RPS6KA5: variants seen among roughly 807,000 people sequenced by gnomAD.
The protein encoded by RPS6KA5 is ribosomal protein S6 kinase alpha-5.
In RPS6KA5, 27 loss-of-function variants were observed where a neutral mutation model predicts 85.5. The ratio of observed to expected loss-of-function variants is 0.32; its 90% CI spans 0.23 to 0.44. The LOEUF (loss-of-function observed/expected upper bound fraction) is 0.44, where lower values mean the gene tolerates loss of function less well. RPS6KA5 is among the 20% of genes least tolerant of loss of function. RPS6KA5 has a pLI of 1.00. For missense variants in RPS6KA5, 811 were observed against 980.9 expected (o/e 0.83, Z 2.31); for synonymous variants, 334 against 348.2 (o/e 0.96, Z 0.46).
At chr14:90,915,196 T>C (rs2036048020) in intron 7 of RPS6KA5, among the ~76,000 whole-genome samples, 3 of 152,150 alleles carry the variant, frequency 2.0e-5, no homozygotes. Flanking sequence ...AGACCAAGGG[T>C]TGGCAATCTT....
chr14:90,912,062 C>T (rs1429138660), intron 7 of RPS6KA5, among the ~76,000 whole-genome samples: 1 of 152,114 alleles, frequency 6.6e-6, no homozygotes, highest in African/African-American at 2.4e-5. Flanking sequence ...TGACAGCCCA[C>T]CCCCAGGGAA....
chr14:90,988,096 A>G (rs1046596157), intron 2 of RPS6KA5, among the ~76,000 whole-genome samples: 9 of 152,256 alleles, frequency 5.9e-5, no homozygotes, highest in African/African-American at 2.2e-4. Context: ...TAAATTGAGA[A>G]GCGACATAAT....
At chr14:90,970,764 A>G (rs2039281695) in intron 3 of RPS6KA5, among the ~76,000 whole-genome samples, 1 of 152,224 alleles carries the variant, frequency 6.6e-6, no homozygotes, top group Non-Finnish European at 1.5e-5. Context: ...GTAACCATGC[A>G]CAGGTACAGA....
rs935133621 is a variant in RPS6KA5, at chr14:90,873,889, A to G, written c.1997-94T>C. On this transcript the variant is annotated intron_variant, in intron 15 of 16. Transcript: ENST00000614987. ...TAAATCTCAGCTATGTTCACATGACATAATGGTTTCTATATAGCTTTAACC... is the reference window on the plus strand; with the variant it reads ...TAAATCTCAGCTATGTTCACATGACGTAATGGTTTCTATATAGCTTTAACC... 13 of 1,098,122 alleles carry G rather than the reference A, an allele frequency of 1.2e-5. No individual in the cohort carries two copies. The Admixed American group carries it at 2.4e-4, about 20-fold the overall frequency. The allele number at this position is 1,098,122 out of a possible 1,614,324, so 68.0% of individuals were successfully genotyped here. A position where few individuals can be genotyped will look rare whatever the true frequency, so the allele number is the denominator to read the frequency against.
chr14:90,994,092 T>G (rs1335592953), intron 2 of RPS6KA5, among the ~76,000 whole-genome samples: 4 of 152,038 alleles, frequency 2.6e-5, no homozygotes, highest in African/African-American at 9.7e-5. Flanking sequence ...AGGGTCTCAC[T>G]ATGTTGCCCA....
chr14:90,926,834 CGTAT>C (rs1566750375), intron 5 of RPS6KA5, among the ~76,000 whole-genome samples: 1 of 151,710 alleles, frequency 6.6e-6, no homozygotes, highest in African/African-American at 2.4e-5. Flanking sequence ...AGAAATCTAA[CGTAT>C]GTATTTCATA....
At chr14:90,913,368 T>C (rs1243325457) in intron 7 of RPS6KA5, among the ~76,000 whole-genome samples, 3 of 152,182 alleles carry the variant, frequency 2.0e-5, no homozygotes, top group Non-Finnish European at 4.4e-5. Context: ...GAACCAAAGA[T>C]GAATGCATGA....
intron 2 of RPS6KA5, among the ~76,000 whole-genome samples, chr14:90,989,598 T>G (rs531275620): frequency 3.9e-5 from 6 of 152,216 alleles, no homozygotes; most frequent in Admixed American, 2.6e-4. Flanking sequence ...ATTTAAACAT[T>G]TTCTTCTCCC....
Position 90,899,961 on chromosome 14 carries a change from T to C in RPS6KA5, c.1379+147A>G, listed in dbSNP as rs572677548. The stretch of plus-strand genomic sequence containing the variant: ...AAAATATCAATTAGAGCTAAAAGTA[T>C]AATGGACCAACTGATGAGCCAAGTG... On this transcript the variant is annotated intron_variant, in intron 11 of 16. Transcript: ENST00000614987. The C allele has an allele frequency of 1.6e-5, 8 of 508,206 alleles. No individual in the cohort carries two copies. The African/African-American group carries it at 1.6e-4, about 10-fold the overall frequency. The allele number at this position is 508,206 out of a possible 1,614,324, so 31.5% of individuals were successfully genotyped here.
At chr14:90,915,768 T>C (rs117102643) in intron 7 of RPS6KA5, among the ~76,000 whole-genome samples, 4 of 151,936 alleles carry the variant, frequency 2.6e-5, no homozygotes, top group Non-Finnish European at 5.9e-5. Context: ...ATCAGGCCAC[T>C]ATATCCAGAC....
chr14:91,041,623 C>A (rs1023839567), intron 1 of RPS6KA5, among the ~76,000 whole-genome samples: 1 of 152,222 alleles, frequency 6.6e-6, no homozygotes, highest in African/African-American at 2.4e-5. Context: ...AAATAGCTAG[C>A]ACATTCAAGT....
intron 6 of RPS6KA5, among the ~76,000 whole-genome samples, chr14:90,921,654 A>G (rs2036405031): frequency 2.6e-5 from 4 of 152,198 alleles, no homozygotes; most frequent in Admixed American, 2.6e-4. Flanking sequence ...TTGAAACCAC[A>G]TTATTCAACT....
At chr14:90,959,346 T>C (rs531029343) in intron 3 of RPS6KA5, among the ~76,000 whole-genome samples, 3 of 152,352 alleles carry the variant, frequency 2.0e-5, no homozygotes, top group South Asian at 2.1e-4. Flanking sequence ...TAGTGTGATA[T>C]GACTTTCATT....
chr14:90,918,721 CT>C (rs1275907466), intron 7 of RPS6KA5, among the ~76,000 whole-genome samples: 2 of 152,108 alleles, frequency 1.3e-5, no homozygotes, highest in African/African-American at 4.8e-5. Flanking sequence ...TTGAAGTTCA[CT>C]TTTTTCCATC....
intron 1 of RPS6KA5, among the ~76,000 whole-genome samples, chr14:91,027,659 G>A (rs755908439): frequency 6.6e-6 from 1 of 152,164 alleles, no homozygotes; most frequent in Admixed American, 6.5e-5. Flanking sequence ...CATTCTGCAT[G>A]TCCAGTGTGG....
At chr14:91,000,449 C>CA (rs1273864637) in intron 2 of RPS6KA5, among the ~76,000 whole-genome samples, 1 of 152,088 alleles carries the variant, frequency 6.6e-6, no homozygotes, top group Non-Finnish European at 1.5e-5. Flanking sequence ...CAAAGCCCTC[C>CA]ACAGAGTACT....
chr14:91,045,285 G>T (rs552663075), intron 1 of RPS6KA5, among the ~76,000 whole-genome samples: 2 of 146,698 alleles, frequency 1.4e-5, no homozygotes, highest in African/African-American at 2.5e-5. Flanking sequence ...TTTTGAGATG[G>T]AGTCTTGCTC....
intron 3 of RPS6KA5, among the ~76,000 whole-genome samples, chr14:90,973,012 A>C (rs74756874): frequency 0.018 from 2,769 of 152,356 alleles, 71 homozygotes; most frequent in African/African-American, 0.064. Context: ...ATGAGACACT[A>C]CTACTCACCT....
intron 2 of RPS6KA5, among the ~76,000 whole-genome samples, chr14:90,988,973 T>C (rs1449066185): frequency 6.6e-6 from 1 of 152,236 alleles, no homozygotes; most frequent in Non-Finnish European, 1.5e-5. Context: ...AAATTTTTAT[T>C]AAAAATATCA....
Sources: allele counts gnomAD v4.1 joint callset (sites outside exome capture counted in the v4.1 genomes callset), GRCh38; gene constraint gnomAD v4.1.1; transcripts MANE v1.5; gene names NCBI Gene and HGNC (gene_info 2026-07-23, HGNC 2026-07-21).